PARP8: variants seen among roughly 807,000 people sequenced by gnomAD.
PARP8 encodes poly(ADP-ribose) polymerase family member 8, also known as protein mono-ADP-ribosyltransferase PARP8.
PARP8 carries 51 observed loss-of-function variants against 124.1 expected under a neutral mutation model. The ratio of observed to expected loss-of-function variants is 0.41; its 90% CI spans 0.33 to 0.52. PARP8 has a LOEUF of 0.52. Among genes scored for constraint, PARP8 ranks in the 20% least tolerant of loss-of-function variants. PARP8 has a pLI of 0.21. For synonymous variants in PARP8, 391 were observed against 361.5 expected, an observed-to-expected ratio of 1.08 and a Z score of -0.93; for missense variants, 860 against 1,018.9, an observed-to-expected ratio of 0.84 and a Z score of 2.12.
intron 2 of PARP8, among the ~76,000 whole-genome samples, chr5:50,713,167 C>G (rs1259369622): frequency 6.6e-6 from 1 of 151,980 alleles, no homozygotes; most frequent in Non-Finnish European, 1.5e-5. Context: ...GGTGATGTTT[C>G]AATAAGTTAA....
At chr5:50,671,424 G>A (rs1451191869) in intron 2 of PARP8, among the ~76,000 whole-genome samples, 3 of 151,864 alleles carry the variant, frequency 2.0e-5, no homozygotes, top group Admixed American at 2.0e-4. Context: ...GGAATTCCGA[G>A]TGTGAACTTT....
chr5:50,667,137 C>G lies in PARP8; in HGVS notation c.42C>G (p.Ile14Met). The change falls in exon 1 of 26, where the codon ATC (isoleucine) becomes ATG (methionine). Residue 14 changes from isoleucine (I) to methionine (M), a missense_variant. This residue lies in a region of PARP8 where 517 missense variants were observed against 544.2 expected (regional missense o/e 0.95). Coordinates refer to ENST00000281631, the MANE Select transcript of PARP8 (RefSeq NM_024615.4). The stretch of plus-strand genomic sequence containing the variant: ...GGCAAGAGCGAATTCAGAAGGATAT[C>G]GACGTCGTGATCCAGAAGTCCAGAG... ...CSRQERIQKD[I>M]DVVIQKSRAE... 1 of 1,596,300 alleles carries G rather than the reference C, an allele frequency of 6.3e-7. No homozygotes were observed.
At chr5:50,767,402 G>A (rs746108971) in intron 7 of PARP8, among the ~76,000 whole-genome samples, 3 of 152,162 alleles carry the variant, frequency 2.0e-5, no homozygotes, top group Non-Finnish European at 2.9e-5. Context: ...AATCAGGGAA[G>A]TGATGACAGG....
At chr5:50,725,344 A>G (rs1424470990) in intron 2 of PARP8, among the ~76,000 whole-genome samples, 1 of 152,108 alleles carries the variant, frequency 6.6e-6, no homozygotes, top group Non-Finnish European at 1.5e-5. Flanking sequence ...ATTATTTTAC[A>G]TGAACAATCT....
intron 14 of PARP8, among the ~76,000 whole-genome samples, chr5:50,814,390 G>A (rs1426345912): frequency 6.6e-6 from 1 of 152,130 alleles, no homozygotes; most frequent in African/African-American, 2.4e-5. Context: ...ATTGCAGAGT[G>A]TGTATAGCTT....
chr5:50,726,127 T>C (rs998955359), intron 2 of PARP8, among the ~76,000 whole-genome samples: 5 of 152,154 alleles, frequency 3.3e-5, no homozygotes, highest in African/African-American at 1.2e-4. Context: ...TTTTTTTAAA[T>C]TTTTTATTTT....
intron 24 of PARP8, among the ~76,000 whole-genome samples, chr5:50,834,674 A>C (rs547080220): frequency 6.6e-6 from 1 of 152,288 alleles, no homozygotes; most frequent in Admixed American, 6.5e-5. Flanking sequence ...GTCAGGACCT[A>C]TCTGCTTTTG....
At chr5:50,841,010 A>G (rs539162296) in intron 25 of PARP8, among the ~76,000 whole-genome samples, 28 of 152,016 alleles carry the variant, frequency 1.8e-4, no homozygotes, top group South Asian at 1.5e-3. Flanking sequence ...GCAGTGGATT[A>G]CATAAGGAGC....
chr5:50,751,166 TA>T (rs1224745294), intron 3 of PARP8, among the ~76,000 whole-genome samples: 1 of 152,140 alleles, frequency 6.6e-6, no homozygotes, highest in Non-Finnish European at 1.5e-5. Context: ...CTAAGTGAAT[TA>T]ATCTGTAGCA....
intron 10 of PARP8, among the ~76,000 whole-genome samples, chr5:50,791,112 T>A (rs1248096487): frequency 2.0e-5 from 3 of 152,196 alleles, no homozygotes; most frequent in African/African-American, 7.2e-5. Context: ...TATCAGTTGG[T>A]TTTCAGTAAA....
chr5:50,841,890 C>A, intron 25 of PARP8, 76 bp from the exon 26 acceptor site: 1 of 1,007,208 alleles, frequency 9.9e-7, no homozygotes, highest in South Asian at 1.5e-5. Context: ...TTTTAGGTAT[C>A]AAATAGCATT....
At chr5:50,773,832 ATT>A (rs35571636) in intron 7 of PARP8, among the ~76,000 whole-genome samples, 48 of 136,050 alleles carry the variant, frequency 3.5e-4, no homozygotes, top group East Asian at 4.2e-4. Flanking sequence ...TATTTCATTA[ATT>A]TTTTTTTTTT....
intron 10 of PARP8, among the ~76,000 whole-genome samples, chr5:50,791,237 G>A (rs1038056387): frequency 7.2e-5 from 11 of 152,108 alleles, no homozygotes; most frequent in Non-Finnish European, 1.0e-4. Context: ...TATGCAGTAC[G>A]TATTATATGT....
intron 7 of PARP8, among the ~76,000 whole-genome samples, chr5:50,777,231 T>G (rs755631181): frequency 9.9e-5 from 15 of 152,216 alleles, no homozygotes; most frequent in Non-Finnish European, 1.9e-4. Context: ...TTGTGAGTAC[T>G]GTATTAAATT....
intron 7 of PARP8, among the ~76,000 whole-genome samples, chr5:50,777,586 T>A (rs1401328212): frequency 6.6e-6 from 1 of 152,010 alleles, no homozygotes; most frequent in Non-Finnish European, 1.5e-5. Flanking sequence ...ATCAAAACAC[T>A]GACATTTAAG....
chr5:50,708,676 T>C (rs1754411883), intron 2 of PARP8, among the ~76,000 whole-genome samples: 1 of 148,792 alleles, frequency 6.7e-6, no homozygotes, highest in Non-Finnish European at 1.5e-5. Context: ...AAATTTCACA[T>C]TGATATGGCT....
chr5:50,770,606 AAGG>A (rs1403958939), intron 7 of PARP8, among the ~76,000 whole-genome samples: 1 of 151,782 alleles, frequency 6.6e-6, no homozygotes, highest in African/African-American at 2.4e-5. Flanking sequence ...AAGAAAAAGA[AAGG>A]AAGGAAGGAA....
chr5:50,724,736 G>A (rs532253507), intron 2 of PARP8, among the ~76,000 whole-genome samples: 2 of 151,984 alleles, frequency 1.3e-5, no homozygotes, highest in South Asian at 2.1e-4. Context: ...GGGGGTACAA[G>A]TGGTTTTTTT....
chr5:50,835,076 C>T, intron 25 of PARP8, 61 bp downstream of exon 25: 1 of 1,417,898 alleles, frequency 7.1e-7, no homozygotes, highest in Non-Finnish European at 9.9e-7. Context: ...TTAGTGGTGA[C>T]TGAATTATCG....
Sources: allele counts gnomAD v4.1 joint callset (sites outside exome capture counted in the v4.1 genomes callset), GRCh38; gene constraint gnomAD v4.1.1; regional missense constraint gnomAD v4.1.1; transcripts MANE v1.5; gene names NCBI Gene and HGNC (gene_info 2026-07-23, HGNC 2026-07-21).